The following EFHC2 variants were observed in gnomAD, a reference collection of about 807,000 sequenced individuals.
The protein encoded by EFHC2 is EF-hand domain containing 2, also known as EF-hand domain-containing family member C2.
A neutral mutation model predicts 52.7 loss-of-function variants in EFHC2; 18 were observed. The observed-to-expected ratio is 0.34, with a 90% CI of 0.24 to 0.51. The LOEUF is 0.51. Among genes scored for constraint, EFHC2 ranks in the 20% least tolerant of loss-of-function variants. The pLI is 0.97. For synonymous variants in EFHC2, 203 were observed against 204.1 expected, an observed-to-expected ratio of 0.99 and a Z score of 0.04; for missense variants, 513 against 562.5, an observed-to-expected ratio of 0.91 and a Z score of 0.89.
chrX:44,229,958 C>G (rs1330045090), intron 10 of EFHC2, among the ~76,000 whole-genome samples, 179 bp from the exon 11 acceptor site: 1 of 109,941 alleles, frequency 9.1e-6, no homozygotes, highest in Non-Finnish European at 1.9e-5. Context: ...TCAATTAAAG[C>G]TTCTGGACAA....
intron 11 of EFHC2, among the ~76,000 whole-genome samples, chrX:44,211,850 G>C (rs2037099690): frequency 1.1e-5 from 1 of 88,513 alleles, no homozygotes; most frequent in Non-Finnish European, 2.1e-5. Flanking sequence ...CTGGGCGACA[G>C]AGCAAGACTC....
intron 4 of EFHC2, among the ~76,000 whole-genome samples, chrX:44,251,597 T>TAAAAAA (rs566022760): frequency 7.2e-4 from 9 of 12,553 alleles, no homozygotes; most frequent in African/African-American, 9.3e-4. Context: ...CAATACTCTG[T>TAAAAAA]AAAAAAAAAA....
intron 2 of EFHC2, among the ~76,000 whole-genome samples, chrX:44,308,698 A>G (rs1396954130): frequency 5.3e-5 from 6 of 112,240 alleles, no homozygotes. Context: ...ACTAGTATCT[A>G]TCTAAACACA....
At chrX:44,297,107 C>T (rs1206096950) in intron 2 of EFHC2, among the ~76,000 whole-genome samples, 1 of 111,979 alleles carries the variant, frequency 8.9e-6, no homozygotes, top group Non-Finnish European at 1.9e-5. Context: ...TTGATACTCA[C>T]GGCAACTCTA....
intron 11 of EFHC2, among the ~76,000 whole-genome samples, chrX:44,201,999 A>G (rs2037009598): frequency 8.9e-6 from 1 of 111,774 alleles, no homozygotes; most frequent in East Asian, 2.8e-4. Flanking sequence ...ATTACTACTC[A>G]CATGTTGCAT....
intron 14 of EFHC2, among the ~76,000 whole-genome samples, chrX:44,152,262 AT>A: frequency 9.0e-6 from 1 of 111,634 alleles, no homozygotes; most frequent in Non-Finnish European, 1.9e-5. Flanking sequence ...ATGATAATCT[AT>A]TTACAGAAAA....
chrX:44,227,516 G>A (rs1049927741), intron 11 of EFHC2, among the ~76,000 whole-genome samples: 1 of 110,573 alleles, frequency 9.0e-6, no homozygotes. Flanking sequence ...GAACCCCCAG[G>A]AACAACTCTA....
chrX:44,309,816 A>G (rs962608745), intron 2 of EFHC2: 2 of 1,119,688 alleles, frequency 1.8e-6, no homozygotes, highest in African/African-American at 3.6e-5. Flanking sequence ...CACGTTCACC[A>G]TAGGTAGCCT....
intron 1 of EFHC2, among the ~76,000 whole-genome samples, chrX:44,319,002 CTTTTT>C (rs561439134): frequency 1.1e-5 from 1 of 91,390 alleles, no homozygotes; most frequent in Non-Finnish European, 2.2e-5. Flanking sequence ...AGGCAAAAGA[CTTTTT>C]TTTTTTTTTT....
intron 2 of EFHC2, among the ~76,000 whole-genome samples, chrX:44,303,283 T>C (rs1264750057): frequency 9.0e-6 from 1 of 111,399 alleles, no homozygotes; most frequent in African/African-American, 3.3e-5. Context: ...CAGTCACATC[T>C]AAACACAGAA....
Position 44,160,186 on chromosome X carries a change from G to A in EFHC2, c.2148+3736C>T, listed in dbSNP as rs182349091. ...TGACAGAGTTGAAGTGATGAAACTG[G>A]GGAGGGGTGATTAAAGGCAGAGTGG... On this transcript the variant is annotated intron_variant, in intron 14 of 14. Transcript: ENST00000420999. 3.1e-4 allele frequency among the ~76,000 whole-genome samples: 35 copies of A among 111,713 alleles called. No individual in the cohort carries two copies. In the East Asian group the frequency reaches 4.6e-3, roughly 15 times the overall value.
chrX:44,232,644 C>T lies in EFHC2; in HGVS notation c.1457G>A (p.Arg486His), dbSNP rs143101094. The T allele has an allele frequency of 3.9e-4, 466 of 1,196,588 alleles. 3 individuals carry two copies. In the East Asian group the frequency reaches 8.7e-3, roughly 22 times the overall value. The change falls in exon 10 of 15, where the codon CGC becomes CAC. Residue 486 changes from arginine to histidine, a missense_variant. Coordinates refer to ENST00000420999, the MANE Select transcript of EFHC2 (RefSeq NM_025184.4). ...IAGGMFLKRS[R>H]VKKPGQEVFK... ...GACTTCTTGTCCAGGCTTCTTAACG[C>T]GACTTCTTTTCAAGAACATCCCACC...
At chrX:44,173,095 AG>A (rs2147275980) in intron 13 of EFHC2, among the ~76,000 whole-genome samples, 1 of 112,301 alleles carries the variant, frequency 8.9e-6, no homozygotes, top group South Asian at 3.7e-4. Flanking sequence ...ACCAAAATAT[AG>A]GGTTAGGAGA....
At chrX:44,251,588 A>G (rs2147337648) in intron 4 of EFHC2, among the ~76,000 whole-genome samples, 1 of 73,791 alleles carries the variant, frequency 1.4e-5, no homozygotes, top group Non-Finnish European at 2.4e-5. Flanking sequence ...GTGACAGAGC[A>G]ATACTCTGTA....
chrX:44,261,361 C>T lies in EFHC2; in HGVS notation c.383-63G>A, dbSNP rs989366797. ...GGCTAACAAGTAAGAAGATACAGCACATTCACTAACAACCCTGAATACTTT... is the reference window on the plus strand; with the variant it reads ...GGCTAACAAGTAAGAAGATACAGCATATTCACTAACAACCCTGAATACTTT... On this transcript the variant is annotated intron_variant, in intron 3 of 14. Coordinates refer to ENST00000420999, the MANE Select transcript of EFHC2 (RefSeq NM_025184.4). The T allele has an allele frequency of 1.2e-5, 11 of 948,853 alleles. No homozygotes were observed. The South Asian group carries it at 2.9e-4, about 25-fold the overall frequency. 78.2% of individuals were successfully genotyped at this position (948,853 alleles called of 1,213,427 possible).
rs35019246 is a variant in EFHC2 at position 44,287,651 on chromosome X, C to T, written c.232-14815G>A. 9.8e-3 allele frequency among the ~76,000 whole-genome samples: 1,102 copies of T among 112,462 alleles called. 7 individuals are homozygous for T. The highest frequency in any genetic ancestry group is 0.023 in the Middle Eastern group (5 of 218). ...AAGTGATAGATATTCCATTGAACCT[C>T]GAAGAATTATTATTTAGCATTTATT... On this transcript the variant is annotated intron_variant, in intron 2 of 14. Transcript: ENST00000420999.
At chrX:44,284,144 A>G (rs756248847) in intron 2 of EFHC2, 1 of 111,818 alleles carries the variant, frequency 8.9e-6, no homozygotes, top group Non-Finnish European at 1.9e-5. Context: ...CCTGCCACAG[A>G]AATTCTTTCT....
intron 2 of EFHC2, among the ~76,000 whole-genome samples, chrX:44,280,097 G>C (rs1255870409): frequency 1.9e-5 from 2 of 106,159 alleles, no homozygotes; most frequent in Non-Finnish European, 3.8e-5. Context: ...GTGGGCCTAG[G>C]CATCAGTAAT....
At chrX:44,220,007 GTTTTA>G (rs1324506532) in intron 11 of EFHC2, among the ~76,000 whole-genome samples, 2 of 111,324 alleles carry the variant, frequency 1.8e-5, no homozygotes, top group African/African-American at 3.3e-5. Context: ...ATTTGTTTGG[GTTTTA>G]TTTTATTTAA....
Sources: allele counts gnomAD v4.1 joint callset (sites outside exome capture counted in the v4.1 genomes callset), GRCh38; gene constraint gnomAD v4.1.1; transcripts MANE v1.5; gene names NCBI Gene and HGNC (gene_info 2026-07-23, HGNC 2026-07-21).